The following NKAIN2 variants were observed in gnomAD, a reference collection of about 807,000 sequenced individuals.
NKAIN2 encodes sodium/potassium-transporting ATPase subunit beta-1-interacting protein 2.
A neutral mutation model predicts 32.6 loss-of-function variants in NKAIN2; 14 were observed. The observed-to-expected ratio is 0.43, with a 90% CI of 0.28 to 0.67. The LOEUF (loss-of-function observed/expected upper bound fraction) is 0.67. Among genes scored for constraint, NKAIN2 ranks in the 30% least tolerant of loss-of-function variants. The probability of loss-of-function intolerance (pLI) is 0.17; values close to 1 mark genes in which losing one functional copy is unlikely to be tolerated. For missense variants in NKAIN2, 198 were observed against 258.3 expected (o/e 0.77, Z 1.60); for synonymous variants, 80 against 87.2 (o/e 0.92, Z 0.46).
chr6:124,460,304 A>G (rs1583285893), intron 3 of NKAIN2, among the ~76,000 whole-genome samples: 1 of 151,878 alleles, frequency 6.6e-6, no homozygotes, highest in East Asian at 1.9e-4. Flanking sequence ...ATTTATTTAC[A>G]TTAATCTATA....
chr6:124,559,156 T>C (rs1420433440), intron 3 of NKAIN2, among the ~76,000 whole-genome samples: 2 of 152,164 alleles, frequency 1.3e-5, no homozygotes, highest in African/African-American at 2.4e-5. Flanking sequence ...ATATGAATCT[T>C]GAAGTAGCAA....
chr6:124,163,651 G>C (rs113736071), intron 1 of NKAIN2, among the ~76,000 whole-genome samples: 141 of 152,070 alleles, frequency 9.3e-4, no homozygotes, highest in African/African-American at 3.3e-3. Flanking sequence ...TCTATAATTG[G>C]AGTATTTTAT....
intron 3 of NKAIN2, among the ~76,000 whole-genome samples, chr6:124,648,394 GA>G (rs1195727788): frequency 6.6e-6 from 1 of 152,126 alleles, no homozygotes; most frequent in Non-Finnish European, 1.5e-5. Context: ...AAAATAGGGA[GA>G]AAAAATTGAT....
chr6:123,842,385 C>G (rs1262856271), intron 1 of NKAIN2, among the ~76,000 whole-genome samples: 1 of 152,060 alleles, frequency 6.6e-6, no homozygotes, highest in Admixed American at 6.6e-5. Context: ...TAAAAGTACT[C>G]TCATGCCTTT....
chr6:123,821,985 C>T (rs1264556501), intron 1 of NKAIN2, among the ~76,000 whole-genome samples: 2 of 151,802 alleles, frequency 1.3e-5, no homozygotes, highest in African/African-American at 4.9e-5. Flanking sequence ...TGACTTTTCC[C>T]TTTAGAGTGA....
At chr6:123,872,515 C>T (rs1048197349) in intron 1 of NKAIN2, among the ~76,000 whole-genome samples, 2 of 152,210 alleles carry the variant, frequency 1.3e-5, no homozygotes, top group Non-Finnish European at 1.5e-5. Flanking sequence ...TGGTGTTGGA[C>T]TGAAGGCACA....
At chr6:124,223,565 T>C (rs564184508) in intron 1 of NKAIN2, among the ~76,000 whole-genome samples, 1 of 152,316 alleles carries the variant, frequency 6.6e-6, no homozygotes, top group African/African-American at 2.4e-5. Flanking sequence ...TAAGCATCTT[T>C]CTGTGATTTA....
At chr6:124,138,739 T>G (rs1054424552) in intron 1 of NKAIN2, among the ~76,000 whole-genome samples, 1 of 145,740 alleles carries the variant, frequency 6.9e-6, no homozygotes, top group Non-Finnish European at 1.5e-5. Context: ...ATGTATATGA[T>G]GGAACAGTGT....
intron 1 of NKAIN2, among the ~76,000 whole-genome samples, chr6:124,001,459 A>C (rs1219851045): frequency 2.0e-5 from 3 of 152,036 alleles, no homozygotes. Context: ...AAAGAGGAAA[A>C]AGTAACATTG....
At chr6:124,452,384 C>A (rs144348660) in intron 3 of NKAIN2, among the ~76,000 whole-genome samples, 1,702 of 152,016 alleles carry the variant, frequency 0.011, 24 homozygotes, top group Non-Finnish European at 0.014. Flanking sequence ...TGGGACGGGG[C>A]AAGAACACAT....
At chr6:124,074,928 G>A (rs76095603) in intron 1 of NKAIN2, among the ~76,000 whole-genome samples, 1 of 152,196 alleles carries the variant, frequency 6.6e-6, no homozygotes, top group Non-Finnish European at 1.5e-5. Flanking sequence ...AATCTATTTA[G>A]TCTTCACGTT....
At chr6:124,019,524 GT>G (rs1026837176) in intron 1 of NKAIN2, among the ~76,000 whole-genome samples, 6 of 152,084 alleles carry the variant, frequency 3.9e-5, no homozygotes, top group Non-Finnish European at 8.8e-5. Flanking sequence ...TTGTAAACAA[GT>G]TTTTTCTAAA....
chr6:123,854,259 C>G (rs1371024697), intron 1 of NKAIN2, among the ~76,000 whole-genome samples: 1 of 152,186 alleles, frequency 6.6e-6, no homozygotes, highest in East Asian at 1.9e-4. Flanking sequence ...GATACTGATT[C>G]TGTCAGTGCC....
intron 1 of NKAIN2, among the ~76,000 whole-genome samples, chr6:123,941,229 C>T (rs893327876): frequency 7.9e-5 from 12 of 151,546 alleles, no homozygotes; most frequent in Middle Eastern, 3.4e-3. Context: ...ACATTTCGTT[C>T]CGGGATTCTT....
At chr6:124,487,993 G>A (rs6928304) in intron 3 of NKAIN2, among the ~76,000 whole-genome samples, 2,213 of 152,058 alleles carry the variant, frequency 0.015, 55 homozygotes, top group African/African-American at 0.051. Context: ...TACGTTCTTG[G>A]TGTTAATGAC....
chr6:124,144,533 A>G (rs1787296177), intron 1 of NKAIN2, among the ~76,000 whole-genome samples: 1 of 152,232 alleles, frequency 6.6e-6, no homozygotes, highest in Admixed American at 6.5e-5. Flanking sequence ...AATTAAATGT[A>G]GGGAGAACAG....
At chr6:123,830,326 T>A (rs1204657943) in intron 1 of NKAIN2, among the ~76,000 whole-genome samples, 3 of 152,132 alleles carry the variant, frequency 2.0e-5, no homozygotes, top group Non-Finnish European at 2.9e-5. Context: ...TTCCCTGCTG[T>A]TAACACTTCA....
At chr6:123,974,130 A>G (rs1191691228) in intron 1 of NKAIN2, among the ~76,000 whole-genome samples, 2 of 152,168 alleles carry the variant, frequency 1.3e-5, no homozygotes, top group African/African-American at 4.8e-5. Context: ...AGAACATCCT[A>G]ATAAAGAAAG....
chr6:124,055,547 T>C (rs570806403), intron 1 of NKAIN2, among the ~76,000 whole-genome samples: 1 of 152,112 alleles, frequency 6.6e-6, no homozygotes, highest in East Asian at 1.9e-4. Flanking sequence ...TCTTTTGTCC[T>C]CAGAGACTAG....
Sources: gnomAD v4.1 joint callset for allele counts (sites outside exome capture counted in the v4.1 genomes callset) on GRCh38, gnomAD v4.1.1 for gene constraint, MANE v1.5 for transcripts, NCBI Gene and HGNC (gene_info 2026-07-23, HGNC 2026-07-21) for gene names.